Variants in ZNF33A observed in about 807,000 individuals in gnomAD.
The protein encoded by ZNF33A is brain my041 protein.
ZNF33A carries 9 observed loss-of-function variants against 15.9 expected under a neutral mutation model. That is an observed-to-expected ratio of 0.57 (90% CI 0.34 to 0.99). The LOEUF is 0.99. ZNF33A is among the 50% of genes least tolerant of loss of function. The probability of loss-of-function intolerance (pLI) is 0.02; values close to 1 mark genes in which losing one functional copy is unlikely to be tolerated. For synonymous variants in ZNF33A, 294 were observed against 324.2 expected, an observed-to-expected ratio of 0.91 and a Z score of 1.00; for missense variants, 843 against 941.6, an observed-to-expected ratio of 0.90 and a Z score of 1.37.
rs150886172 is a variant in ZNF33A, at chr10:38,055,852, A to G, written c.1728A>G (p.Thr576=). Residue 576 remains threonine, a synonymous_variant, in exon 5 of 5, where the codon ACA becomes ACG. Coordinates refer to ENST00000432900, the MANE Select transcript of ZNF33A (RefSeq NM_006954.2). ...STLSQHYRTH[T]GEKPYECHEC... is the part of the protein sequence containing the mutation. The stretch of plus-strand genomic sequence containing the variant: ...TCTCTCAACATTATAGAACACACAC[A>G]GGGGAGAAACCCTACGAATGTCATG... 25 of 1,613,460 alleles carry G rather than the reference A, an allele frequency of 1.5e-5. No homozygotes were observed. In the African/African-American group the frequency reaches 3.2e-4, roughly 21 times the overall value.
chr10:38,017,999 C>T (rs1458877648), intron 4 of ZNF33A, among the ~76,000 whole-genome samples: 5 of 152,158 alleles, frequency 3.3e-5, no homozygotes, highest in African/African-American at 4.8e-5. Context: ...GAGGCTGAGG[C>T]AGGAGAATCA....
chr10:38,017,355 G>A lies in ZNF33A; in HGVS notation c.219G>A (p.Gln73=), dbSNP rs1198337789. Reference sequence around the variant, plus strand: ...AACAAGGAGAAGAGCCATGGAAACAGGAGGAAGAATTCCCAAGCCAAAGCT... The same window carrying A: ...AACAAGGAGAAGAGCCATGGAAACAAGAGGAAGAATTCCCAAGCCAAAGCT... The part of the protein sequence containing the change: ...RLQQGEEPWK[Q]EEEFPSQSFP... Residue 73 remains glutamine, a synonymous_variant, in exon 4 of 5, where the codon CAG becomes CAA. Transcript: ENST00000432900. 2.5e-6 allele frequency: 4 copies of A among 1,614,054 alleles called. No homozygotes were observed. Among genetic ancestry groups the A allele is most frequent in the Non-Finnish European group, 2.5e-6 (3 of 1,179,916 alleles).
chr10:38,046,018 G>T (rs1236981909), intron 4 of ZNF33A, among the ~76,000 whole-genome samples: 1 of 152,118 alleles, frequency 6.6e-6, no homozygotes, highest in African/African-American at 2.4e-5. Flanking sequence ...GTTTCTTTTG[G>T]AATCTCTTCT....
intron 4 of ZNF33A, among the ~76,000 whole-genome samples, chr10:38,034,152 G>A (rs1212569172): frequency 4.6e-5 from 7 of 152,292 alleles, no homozygotes; most frequent in East Asian, 1.9e-4. Flanking sequence ...TTCTGCTGTC[G>A]TTAACATATT....
At chr10:38,037,964 T>C (rs1300341608) in intron 4 of ZNF33A, among the ~76,000 whole-genome samples, 1 of 152,236 alleles carries the variant, frequency 6.6e-6, no homozygotes, top group African/African-American at 2.4e-5. Context: ...TTGGCAGTTA[T>C]TGCCATCTTA....
intron 4 of ZNF33A, among the ~76,000 whole-genome samples, chr10:38,029,421 A>G (rs928781197): frequency 2.6e-5 from 4 of 152,346 alleles, no homozygotes; most frequent in African/African-American, 9.6e-5. Flanking sequence ...TCAGCTCCTA[A>G]TATTAATGAG....
At chr10:38,062,441 T>C (rs1323691309), downstream of ZNF33A, among the ~76,000 whole-genome samples, 1 of 152,136 alleles carries the variant, frequency 6.6e-6, no homozygotes, top group Non-Finnish European at 1.5e-5. Context: ...TTGAAAAAAA[T>C]CAAACTCAAC....
intron 4 of ZNF33A, among the ~76,000 whole-genome samples, chr10:38,033,079 C>G (rs1385928085): frequency 6.6e-6 from 1 of 152,066 alleles, no homozygotes; most frequent in East Asian, 1.9e-4. Context: ...GTCATCATCC[C>G]TGAAACAAAG....
chr10:38,051,382 T>C (rs2066196715), intron 4 of ZNF33A, among the ~76,000 whole-genome samples: 1 of 152,282 alleles, frequency 6.6e-6, no homozygotes, highest in East Asian at 1.9e-4. Context: ...TCACAACGTA[T>C]AAAGAACCAA....
At position 38,056,844 on chromosome 10, in the gene ZNF33A, A is replaced by G; in HGVS notation, c.*284A>G. The G allele has an allele frequency of 9.1e-7, 1 of 1,098,938 alleles. No individual in the cohort carries two copies. Among genetic ancestry groups the G allele is most frequent in the Non-Finnish European group, 1.1e-6 (1 of 902,460 alleles). The allele number at this position is 1,098,938 out of a possible 1,614,324, so 68.1% of individuals were successfully genotyped here. On this transcript the variant is annotated 3_prime_UTR_variant, in exon 5 of 5. Coordinates refer to ENST00000432900, the MANE Select transcript of ZNF33A (RefSeq NM_006954.2). ...ATAAAATACGACAAGTTATGTTTTG[A>G]GTTTGATGCCATAATAGTTTTTAGG...
At chr10:38,053,865 T>C (rs1306384618) in intron 4 of ZNF33A, among the ~76,000 whole-genome samples, 2 of 152,194 alleles carry the variant, frequency 1.3e-5, no homozygotes, top group East Asian at 1.9e-4. Context: ...GTGTGTCTCC[T>C]CTATTCCATG....
At chr10:38,026,498 C>G (rs1223004032) in intron 4 of ZNF33A, among the ~76,000 whole-genome samples, 2 of 151,996 alleles carry the variant, frequency 1.3e-5, no homozygotes, top group Non-Finnish European at 1.5e-5. Context: ...CCATGCCTGG[C>G]TAATTTTTGT....
At chr10:38,048,292 A>C (rs1396761013) in intron 4 of ZNF33A, among the ~76,000 whole-genome samples, 2 of 152,228 alleles carry the variant, frequency 1.3e-5, no homozygotes, top group East Asian at 1.9e-4. Context: ...TTATACAAAA[A>C]TAACATCAAA....
At chr10:38,065,620 A>C (rs532927781), downstream of ZNF33A, among the ~76,000 whole-genome samples, 1 of 152,090 alleles carries the variant, frequency 6.6e-6, no homozygotes, top group African/African-American at 2.4e-5. Flanking sequence ...GCCTCATTCT[A>C]CATGGTTTCT....
chr10:38,025,809 A>ATTTGCCATTTTAACAG (rs1468213225), intron 4 of ZNF33A, among the ~76,000 whole-genome samples: 11 of 152,204 alleles, frequency 7.2e-5, no homozygotes, highest in African/African-American at 2.7e-4. Flanking sequence ...GTATCATGAA[A>ATTTGCCATTTTAACAG]TTTGCCATTT....
rs1363289275 is a variant in ZNF33A at position 38,055,227 on chromosome 10, A to T, written c.1103A>T (p.Asp368Val). The change falls in exon 5 of 5, where the codon GAT (aspartate) becomes GTT (valine). Residue 368 changes from aspartate (D) to valine (V), a missense_variant. Transcript: ENST00000432900. ...QCNECEKAFW[D>V]KSNLTKHQRS... ...AATGAATGTGAAAAAGCTTTCTGGG[A>T]TAAGTCAAACCTCACTAAACATCAA... The T allele has an allele frequency of 1.2e-5, 20 of 1,614,180 alleles. No individual in the cohort carries two copies. Among genetic ancestry groups the T allele is most frequent in the Non-Finnish European group, 1.7e-5 (20 of 1,180,002 alleles).
rs755866976 is a variant in ZNF33A, at chr10:38,039,600, A to T, written c.251-14775A>T. The T allele has an allele frequency of 8.8e-6, 4 of 452,540 alleles. No individual in the cohort carries two copies. The East Asian group carries it at 2.8e-4, about 32-fold the overall frequency. The allele number at this position is 452,540 out of a possible 1,614,324, so 28.0% of individuals were successfully genotyped here. ...GGTCTTTTCAGATTTTTCTTTTTCT[A>T]CTTGAGTTGGTTTTAGTTGTTTTTG... On this transcript the variant is annotated intron_variant, in intron 4 of 4. Transcript: ENST00000432900.
At chr10:38,032,147 G>T (rs2065241482) in intron 4 of ZNF33A, among the ~76,000 whole-genome samples, 1 of 152,058 alleles carries the variant, frequency 6.6e-6, no homozygotes, top group Non-Finnish European at 1.5e-5. Context: ...CAAGGGTTGG[G>T]AAGTCAAATT....
intron 4 of ZNF33A, among the ~76,000 whole-genome samples, chr10:38,032,602 T>C (rs1482680437): frequency 6.6e-6 from 1 of 150,476 alleles, no homozygotes; most frequent in Non-Finnish European, 1.5e-5. Flanking sequence ...CCTGAATAGT[T>C]GGGATTACAG....
Sources: gnomAD v4.1 joint callset for allele counts (sites outside exome capture counted in the v4.1 genomes callset) on GRCh38, gnomAD v4.1.1 for gene constraint, MANE v1.5 for transcripts, NCBI Gene and HGNC (gene_info 2026-07-23, HGNC 2026-07-21) for gene names.